Variants in MYO3B observed in about 807,000 individuals in gnomAD.
MYO3B encodes the protein myosin IIIB, also known as myosin-IIIb.
MYO3B carries 156 observed loss-of-function variants against 174.6 expected under a neutral mutation model. The ratio of observed to expected loss-of-function variants is 0.89; its 90% CI spans 0.78 to 1.02. The LOEUF is 1.02. Among genes scored for constraint, MYO3B ranks in the 50% least tolerant of loss-of-function variants. The pLI, the probability that MYO3B is intolerant of heterozygous loss-of-function variation, is 0.00. For missense variants in MYO3B, 1,632 were observed against 1,639.4 expected, an observed-to-expected ratio of 1.00 and a Z score of 0.08; for synonymous variants, 563 against 569.1, an observed-to-expected ratio of 0.99 and a Z score of 0.15.
rs564238691 is a variant in MYO3B at position 170,455,093 on chromosome 2, T to C, written c.2731-8275T>C. 5.3e-5 allele frequency among the ~76,000 whole-genome samples: 8 copies of C among 152,280 alleles called. No homozygotes were observed. In the East Asian group the frequency reaches 1.5e-3, roughly 29 times the overall value. ...ATACTGATGTTATCCCCAGGAGCAA[T>C]TTGGAAAAATTTAGAATCTTGCAGT... On this transcript the variant is annotated intron_variant, in intron 23 of 34. Coordinates refer to ENST00000408978, the MANE Select transcript of MYO3B (RefSeq NM_138995.5).
chr2:170,588,880 T>G lies in MYO3B; in HGVS notation c.3733+44892T>G, dbSNP rs190871510. 6.6e-4 allele frequency among the ~76,000 whole-genome samples: 101 copies of G among 152,338 alleles called. 1 individual carries two copies. The highest frequency in any genetic ancestry group is 2.1e-3 in the African/African-American group (86 of 41,578). On this transcript the variant is annotated intron_variant, in intron 32 of 34. Coordinates refer to ENST00000408978, the MANE Select transcript of MYO3B (RefSeq NM_138995.5). ...CACCAAAGAATCTATGAATGTCATC[T>G]GGAAGATGACACTCAAGAGGTTCAT...
intron 30 of MYO3B, among the ~76,000 whole-genome samples, chr2:170,520,655 T>C (rs2106143865): frequency 6.6e-6 from 1 of 152,148 alleles, no homozygotes; most frequent in African/African-American, 2.4e-5. Context: ...TTGAGTTAAA[T>C]ATAATTCAAA....
At chr2:170,293,019 C>G (rs1332501931) in intron 7 of MYO3B, among the ~76,000 whole-genome samples, 1 of 152,148 alleles carries the variant, frequency 6.6e-6, no homozygotes, top group Non-Finnish European at 1.5e-5. Context: ...TTTCCACACA[C>G]TTGTTGCAGG....
At chr2:170,192,194 T>G (rs2092548747) in intron 1 of MYO3B, among the ~76,000 whole-genome samples, 2 of 152,004 alleles carry the variant, frequency 1.3e-5, no homozygotes, top group East Asian at 3.8e-4. Context: ...AATTTATTGT[T>G]AAAACCATCT....
chr2:170,422,665 G>A (rs1047737066), intron 22 of MYO3B, among the ~76,000 whole-genome samples: 3 of 151,916 alleles, frequency 2.0e-5, no homozygotes, highest in Middle Eastern at 3.2e-3. Context: ...CACCATGTTG[G>A]CCAGGCTGGT....
chr2:170,391,957 CCAGCCAGGG>C (rs2094414663), intron 15 of MYO3B, among the ~76,000 whole-genome samples: 2 of 151,684 alleles, frequency 1.3e-5, no homozygotes, highest in African/African-American at 4.8e-5. Context: ...GAGTTTGAGA[CCAGCCAGGG>C]CAGCATAGTG....
At position 170,443,916 on chromosome 2, in the gene MYO3B, C is replaced by T. The variant is rs776527947; in HGVS notation, c.2651-51C>T. ...CCAAAGGGAAAAATTACTCATGATC[C>T]TATTTCTTAACTTTTCCTTTAATTT... On this transcript the variant is annotated intron_variant, in intron 22 of 34. Transcript: ENST00000408978. 14 of 1,473,168 alleles carry T rather than the reference C, an allele frequency of 9.5e-6. No individual in the cohort carries two copies. The East Asian group carries it at 3.2e-4, about 33-fold the overall frequency. The allele number at this position is 1,473,168 out of a possible 1,614,324, so 91.3% of individuals were successfully genotyped here. A position where few individuals can be genotyped will look rare whatever the true frequency, so the allele number is the denominator to read the frequency against.
intron 32 of MYO3B, among the ~76,000 whole-genome samples, chr2:170,556,947 G>A (rs186545863): frequency 7.2e-5 from 11 of 152,222 alleles, no homozygotes; most frequent in East Asian, 3.9e-4. Context: ...ACATCTGTGC[G>A]TCTTATTTGG....
At chr2:170,479,388 A>C (rs1328302741) in intron 25 of MYO3B, among the ~76,000 whole-genome samples, 1 of 146,800 alleles carries the variant, frequency 6.8e-6, no homozygotes, top group Admixed American at 6.8e-5. Flanking sequence ...TATAGAATAT[A>C]ATTATATTAT....
At position 170,499,709 on chromosome 2, in the gene MYO3B, G is replaced by T. The variant is rs991041785; in HGVS notation, c.3190G>T (p.Val1064Leu). The change falls in exon 27 of 35, where the codon GTG becomes TTG. Residue 1064 changes from valine to leucine, a missense_variant. By Grantham distance (32) the Val-to-Leu change is conservative (BLOSUM62 1). Transcript: ENST00000408978. The part of the protein sequence containing the change: ...NLLLREVIGR[V>L]VVLQAYTKGW... ...GCTGCTTCGAGAAGTCATAGGCAGA[G>T]TGGTTGTGCTGCAGGCATATACCAA... 1.9e-6 allele frequency: 3 copies of T among 1,614,188 alleles called. No homozygotes were observed. Among genetic ancestry groups the T allele is most frequent in the Non-Finnish European group, 2.5e-6 (3 of 1,180,012 alleles).
chr2:170,200,829 C>T (rs2092653607), intron 3 of MYO3B, among the ~76,000 whole-genome samples: 2 of 152,168 alleles, frequency 1.3e-5, no homozygotes, highest in Admixed American at 1.3e-4. Flanking sequence ...ATAACAGAGA[C>T]CTAAGCTGGT....
intron 6 of MYO3B, among the ~76,000 whole-genome samples, chr2:170,222,215 G>A (rs2092908656): frequency 6.6e-6 from 1 of 152,178 alleles, no homozygotes. Context: ...TATCTGAGGG[G>A]CAGTAGTGGC....
intron 24 of MYO3B, among the ~76,000 whole-genome samples, chr2:170,464,778 C>T (rs979394357): frequency 6.6e-6 from 1 of 152,160 alleles, no homozygotes; most frequent in Non-Finnish European, 1.5e-5. Flanking sequence ...TGAGACACAC[C>T]TGGTCCTATC....
In MYO3B at chr2:170,290,038, TTCCATTGTGA is replaced by T. The variant is rs545394395; in HGVS notation, c.750-45334_750-45325del. On this transcript the variant is annotated intron_variant, in intron 7 of 34. Transcript: ENST00000408978. ...CTCCTGTTACTGATTTCTAGTTGTATTCCATTGTGATCCATTGTGATCAGAAAATATACCT... is the reference window on the plus strand; with the variant it reads ...CTCCTGTTACTGATTTCTAGTTGTATTCCATTGTGATCAGAAAATATACCT... Among the ~76,000 whole-genome samples the T allele has an allele frequency of 4.9e-4, 74 of 152,300 alleles. 1 individual carries two copies. Among genetic ancestry groups the T allele is most frequent in the Middle Eastern group, 3.4e-3 (1 of 292 alleles).
intron 25 of MYO3B, among the ~76,000 whole-genome samples, chr2:170,487,680 C>T (rs543607942): frequency 4.6e-5 from 7 of 151,446 alleles, no homozygotes; most frequent in Admixed American, 1.3e-4. Context: ...ATCTCCAAGC[C>T]GGGTGCAGAT....
chr2:170,508,572 T>C (rs1049840048), intron 28 of MYO3B, among the ~76,000 whole-genome samples: 1 of 152,214 alleles, frequency 6.6e-6, no homozygotes, highest in Non-Finnish European at 1.5e-5. Context: ...AAGTTGTGTC[T>C]CCCTTATGTG....
intron 7 of MYO3B, among the ~76,000 whole-genome samples, chr2:170,299,669 A>T (rs1464173685): frequency 2.0e-5 from 3 of 152,242 alleles, no homozygotes; most frequent in African/African-American, 7.2e-5. Context: ...GTAACTGGCA[A>T]ATGGCAGGGC....
chr2:170,392,122 CA>C (rs35100967), intron 15 of MYO3B, among the ~76,000 whole-genome samples: 72,576 of 106,310 alleles, frequency 0.68, 24,798 homozygotes, highest in East Asian at 0.8. Flanking sequence ...GACCCTGTCT[CA>C]AAAAAAAAAA....
In MYO3B at chr2:170,463,446, G is replaced by A. The variant is rs777064807; in HGVS notation, c.2808+1G>A. ...GCAAACTGTGGCTTCTTACTTCCGG[G>A]TATGGAGTCTTCTTGATCTCTATTC... On this transcript the variant is annotated splice_donor_variant, in intron 24 of 34. Coordinates refer to ENST00000408978, the MANE Select transcript of MYO3B (RefSeq NM_138995.5). LOFTEE classifies it high-confidence loss of function. 4.3e-6 allele frequency: 7 copies of A among 1,613,650 alleles called. No homozygotes were observed. In the South Asian group the frequency reaches 4.4e-5, roughly 10 times the overall value.
Sources: allele counts gnomAD v4.1 joint callset (sites outside exome capture counted in the v4.1 genomes callset), GRCh38; gene constraint gnomAD v4.1.1; transcripts MANE v1.5; gene names NCBI Gene and HGNC (gene_info 2026-07-23, HGNC 2026-07-21).